Variants in TMEM170B observed in about 807,000 individuals in gnomAD.
The protein encoded by TMEM170B is transmembrane protein 170B.
TMEM170B carries 6 observed loss-of-function variants against 13.0 expected under a neutral mutation model. That is an observed-to-expected ratio of 0.46 (90% CI 0.25 to 0.91). TMEM170B has a LOEUF of 0.91. Among genes scored for constraint, TMEM170B ranks in the 40% least tolerant of loss-of-function variants. The pLI is 0.17. For missense variants in TMEM170B, 138 were observed against 165.2 expected (o/e 0.84, Z 0.90); for synonymous variants, 61 against 64.9 (o/e 0.94, Z 0.29).
intron 2 of TMEM170B, among the ~76,000 whole-genome samples, chr6:11,570,800 G>A (rs1582146614): frequency 1.3e-5 from 2 of 152,234 alleles, no homozygotes; most frequent in Admixed American, 1.3e-4. Flanking sequence ...CAGAACCTTA[G>A]GAATTGCTAT....
chr6:11,555,789 C>T (rs868295529), intron 1 of TMEM170B, among the ~76,000 whole-genome samples: 14 of 152,152 alleles, frequency 9.2e-5, no homozygotes, highest in African/African-American at 3.4e-4. Flanking sequence ...ATTGCTTTAT[C>T]TCTCAACAGT....
chr6:11,554,258 T>C (rs1277069629), intron 1 of TMEM170B, among the ~76,000 whole-genome samples: 3 of 152,080 alleles, frequency 2.0e-5, no homozygotes, highest in African/African-American at 4.8e-5. Flanking sequence ...TTTAGGTTGG[T>C]GATTCAAACA....
chr6:11,552,290 A>T (rs1466934603), intron 1 of TMEM170B, among the ~76,000 whole-genome samples: 1 of 152,240 alleles, frequency 6.6e-6, no homozygotes, highest in Non-Finnish European at 1.5e-5. Flanking sequence ...TTCCAAGAGC[A>T]TATGATAACC....
At chr6:11,542,992 A>G (rs1318544563) in intron 1 of TMEM170B, among the ~76,000 whole-genome samples, 2 of 152,204 alleles carry the variant, frequency 1.3e-5, no homozygotes, top group Non-Finnish European at 2.9e-5. Flanking sequence ...TTTAGACCCA[A>G]GTCTTTGCCT....
intron 1 of TMEM170B, among the ~76,000 whole-genome samples, chr6:11,546,825 G>A (rs1274068642): frequency 6.6e-6 from 1 of 152,090 alleles, no homozygotes; most frequent in African/African-American, 2.4e-5. Context: ...TAATGAAATG[G>A]CCAAATGACA....
chr6:11,567,754 A>G (rs1001256184), intron 2 of TMEM170B, among the ~76,000 whole-genome samples: 6 of 152,196 alleles, frequency 3.9e-5, no homozygotes, highest in African/African-American at 1.4e-4. Flanking sequence ...AGGTTTAGCT[A>G]AAGCACATGG....
intron 2 of TMEM170B, 62 bp downstream of exon 2, chr6:11,565,898 G>T: frequency 6.6e-7 from 1 of 1,510,746 alleles, no homozygotes; most frequent in Admixed American, 1.7e-5. Flanking sequence ...TTTGGTAGCT[G>T]TGTTCTTATT....
intron 1 of TMEM170B, among the ~76,000 whole-genome samples, chr6:11,542,287 G>A (rs758017106): frequency 6.6e-6 from 1 of 152,098 alleles, no homozygotes; most frequent in Non-Finnish European, 1.5e-5. Flanking sequence ...CTTAACTCCT[G>A]GCCAGCTTCA....
rs11404962 is a variant in TMEM170B at position 11,560,582 on chromosome 6, TAAAAAA to T, written c.98-5072_98-5067del. Among the ~76,000 whole-genome samples, 5 of 135,662 alleles carry T rather than the reference TAAAAAA, an allele frequency of 3.7e-5. No individual in the cohort carries two copies. In the South Asian group the frequency reaches 9.6e-4, roughly 26 times the overall value. The allele number at this position is 135,662 out of a possible 152,430, so 89.0% of individuals were successfully genotyped here. On this transcript the variant is annotated intron_variant, in intron 1 of 2. Transcript: ENST00000379426. ...GCAGCATAGCAAGACTGCTATCTCT[TAAAAAA>T]AAAAAAAAAAATGAAAAACTAATTT... is the stretch of plus-strand genomic sequence containing the variant.
At position 11,575,368 on chromosome 6, in the gene TMEM170B, A is replaced by C; in HGVS notation, c.269-63A>C. 6.3e-7 allele frequency: 1 copy of C among 1,578,016 alleles called. No homozygotes were observed. The highest frequency in any genetic ancestry group is 8.7e-7 in the Non-Finnish European group (1 of 1,150,678). ...GAAATGAAAAGAGCTCTTAAGGTGC[A>C]GCATGCAGTGTGTTATAAAACGAGT... On this transcript the variant is annotated intron_variant, in intron 2 of 2. Transcript: ENST00000379426. The surrounding 1 kb of genome is among the most constrained non-coding windows in gnomAD (Gnocchi z 4.1).
In TMEM170B at chr6:11,537,822, C is replaced by T. The variant is rs1582135091; in HGVS notation, c.-456C>T. ...CCGCAGCCTCTGGCTGGTCCCGCGT[C>T]TCCGTCCTCCGGCGGCGATGAGCTG... is the stretch of plus-strand genomic sequence containing the variant. On this transcript the variant is annotated 5_prime_UTR_variant, in exon 1 of 3. Transcript: ENST00000379426. Among the ~76,000 whole-genome samples the T allele has an allele frequency of 1.3e-5, 2 of 151,760 alleles. No individual in the cohort carries two copies. The highest frequency in any genetic ancestry group is 4.8e-5 in the African/African-American group (2 of 41,476).
At chr6:11,555,624 G>A (rs1369574678) in intron 1 of TMEM170B, among the ~76,000 whole-genome samples, 2 of 151,708 alleles carry the variant, frequency 1.3e-5, no homozygotes, top group Non-Finnish European at 2.9e-5. Flanking sequence ...TTTTCATTTG[G>A]CTCTCAGAAT....
At chr6:11,553,225 TG>T (rs1293368279) in intron 1 of TMEM170B, among the ~76,000 whole-genome samples, 1 of 152,170 alleles carries the variant, frequency 6.6e-6, no homozygotes, top group Non-Finnish European at 1.5e-5. Flanking sequence ...AGAATATTTT[TG>T]CTCCATGTTT....
At chr6:11,561,636 G>A (rs145658693) in intron 1 of TMEM170B, among the ~76,000 whole-genome samples, 372 of 152,212 alleles carry the variant, frequency 2.4e-3, no homozygotes, top group African/African-American at 8.7e-3. Flanking sequence ...CAAAATAATA[G>A]TAATAACACA....
intron 2 of TMEM170B, among the ~76,000 whole-genome samples, chr6:11,572,744 C>G (rs1428020169): frequency 2.6e-5 from 4 of 152,034 alleles, no homozygotes; most frequent in African/African-American, 9.7e-5. Flanking sequence ...TGGTATGTAT[C>G]CGCCAGATAT....
At chr6:11,556,435 A>G (rs1309707552) in intron 1 of TMEM170B, among the ~76,000 whole-genome samples, 2 of 152,072 alleles carry the variant, frequency 1.3e-5, no homozygotes, top group African/African-American at 4.8e-5. Flanking sequence ...CTTCACAACT[A>G]TGCCTCAAAA....
Position 11,551,188 on chromosome 6 carries a change from C to G in TMEM170B, c.97+12814C>G, listed in dbSNP as rs542962951. On this transcript the variant is annotated intron_variant, in intron 1 of 2. Transcript: ENST00000379426. ...GGGAGGCCTTCTCCATAGGGCTACT[C>G]ACAACTGTTTTTTTCAGAATGAGAG... Among the ~76,000 whole-genome samples, 18 of 152,218 alleles carry G rather than the reference C, an allele frequency of 1.2e-4. 1 individual carries two copies. In the South Asian group the frequency reaches 3.7e-3, roughly 32 times the overall value.
chr6:11,552,403 C>G (rs185881274), intron 1 of TMEM170B, among the ~76,000 whole-genome samples: 2 of 152,182 alleles, frequency 1.3e-5, no homozygotes, highest in African/African-American at 4.8e-5. Context: ...AGAAAATTAT[C>G]CTTACTAAAT....
intron 1 of TMEM170B, among the ~76,000 whole-genome samples, chr6:11,551,329 A>G (rs545208811): frequency 1.3e-5 from 2 of 152,316 alleles, no homozygotes; most frequent in East Asian, 3.9e-4. Flanking sequence ...TCTATTGGTC[A>G]TACACAGACC....
Sources: gnomAD v4.1 joint callset for allele counts (sites outside exome capture counted in the v4.1 genomes callset) on GRCh38, gnomAD v4.1.1 for gene constraint, Gnocchi (gnomAD v3.1) non-coding constraint, MANE v1.5 for transcripts, NCBI Gene and HGNC (gene_info 2026-07-23, HGNC 2026-07-21) for gene names.